The following ARFGEF2 variants were observed in gnomAD, a reference collection of about 807,000 sequenced individuals.
ARFGEF2 encodes the protein ARF guanine nucleotide exchange factor 2, also known as brefeldin A-inhibited guanine nucleotide-exchange protein 2.
Under a neutral mutation model 219.9 loss-of-function variants are expected in ARFGEF2, and 74 were observed. The ratio of observed to expected loss-of-function variants is 0.34; its 90% CI spans 0.28 to 0.41. The LOEUF (loss-of-function observed/expected upper bound fraction) is 0.41. Among genes scored for constraint, ARFGEF2 ranks in the 10% least tolerant of loss-of-function variants. ARFGEF2 has a pLI of 1.00. For synonymous variants in ARFGEF2, 733 were observed against 799.2 expected (o/e 0.92, Z 1.40); for missense variants, 1,743 against 2,218.3 (o/e 0.79, Z 4.30).
At chr20:49,024,330 C>A (rs1267694545) in intron 35 of ARFGEF2, among the ~76,000 whole-genome samples, 1 of 152,156 alleles carries the variant, frequency 6.6e-6, no homozygotes, top group Non-Finnish European at 1.5e-5. Flanking sequence ...GGACAGTTAT[C>A]CTACACCATG....
At chr20:49,024,303 T>C (rs2091587450) in intron 35 of ARFGEF2, among the ~76,000 whole-genome samples, 1 of 152,122 alleles carries the variant, frequency 6.6e-6, no homozygotes, top group Non-Finnish European at 1.5e-5. Context: ...ACATAGAGAA[T>C]TCAGTGTCCA....
intron 8 of ARFGEF2, among the ~76,000 whole-genome samples, chr20:48,967,156 T>G (rs1201561004): frequency 6.6e-6 from 1 of 152,062 alleles, no homozygotes; most frequent in Non-Finnish European, 1.5e-5. Context: ...AGAATAATGT[T>G]TTTTTCCCCC....
At chr20:48,923,209 C>T (rs967302867) in intron 1 of ARFGEF2, among the ~76,000 whole-genome samples, 6 of 152,016 alleles carry the variant, frequency 3.9e-5, no homozygotes, top group African/African-American at 1.5e-4. Context: ...ATTCACTGCC[C>T]CAACGTCTTT....
chr20:49,014,063 A>ATCC, intron 30 of ARFGEF2, 103 bp downstream of exon 30: 1 of 1,476,450 alleles, frequency 6.8e-7, no homozygotes, highest in Non-Finnish European at 9.4e-7. Context: ...CAGAGTTCTT[A>ATCC]AATACTGAGC....
chr20:48,959,409 T>C (rs113720599), intron 6 of ARFGEF2, among the ~76,000 whole-genome samples: 16,171 of 62,738 alleles, frequency 0.26, 1,302 homozygotes, highest in East Asian at 0.46. Context: ...CCCTCCTTCC[T>C]TCCCTCCCTC....
intron 18 of ARFGEF2, 107 bp downstream of exon 18, chr20:48,988,769 G>A: frequency 9.9e-7 from 1 of 1,012,470 alleles, no homozygotes; most frequent in Non-Finnish European, 1.5e-6. Flanking sequence ...CTGGATATCT[G>A]AATAGGAAAT....
At position 48,974,874 on chromosome 20, in the gene ARFGEF2, G is replaced by A. The variant is rs2091251241; in HGVS notation, c.1774G>A (p.Gly592Ser). 1 of 1,612,068 alleles carries A rather than the reference G, an allele frequency of 6.2e-7. No homozygotes were observed. ...GAATCCCAACCACCAGACCAGCCTC[G>A]GTGAGACAGCATTGCTGCCACACCC... ...YVNPNHQTSL[G>S]QERLTDQEIG... The change falls in exon 13 of 39, where the codon GGT becomes AGT. Residue 592 changes from glycine to serine, a missense_variant and splice_region_variant. By Grantham distance (56) the Gly-to-Ser change is moderately conservative. This residue lies in a region of ARFGEF2 where 666 missense variants were observed against 955.4 expected (regional missense o/e 0.70). Coordinates refer to ENST00000371917, the MANE Select transcript of ARFGEF2 (RefSeq NM_006420.3).
chr20:49,006,567 A>G (rs1264723818), intron 26 of ARFGEF2, among the ~76,000 whole-genome samples: 2 of 152,226 alleles, frequency 1.3e-5, no homozygotes, highest in East Asian at 3.8e-4. Context: ...TATCCAGGGC[A>G]GCCAGCTAAC....
intron 12 of ARFGEF2, among the ~76,000 whole-genome samples, chr20:48,973,858 G>A (rs371780552): frequency 2.6e-5 from 4 of 152,098 alleles, no homozygotes; most frequent in East Asian, 3.9e-4. Flanking sequence ...TATGCTGTCC[G>A]AGTTGCTGTT....
intron 31 of ARFGEF2, among the ~76,000 whole-genome samples, chr20:49,016,687 G>C (rs2091533082): frequency 6.6e-6 from 1 of 151,998 alleles, no homozygotes; most frequent in South Asian, 2.1e-4. Context: ...GTATATGTTT[G>C]AAATTTTCTC....
intron 3 of ARFGEF2, among the ~76,000 whole-genome samples, chr20:48,946,110 G>A (rs2091024939): frequency 6.6e-6 from 1 of 152,192 alleles, no homozygotes; most frequent in Non-Finnish European, 1.5e-5. Context: ...GGTAACCTCT[G>A]TCTTAGAAAT....
intron 1 of ARFGEF2, among the ~76,000 whole-genome samples, chr20:48,927,724 A>G (rs948176675): frequency 6.6e-6 from 1 of 152,110 alleles, no homozygotes; most frequent in African/African-American, 2.4e-5. Context: ...AAATAAATTG[A>G]CATAACAAGA....
Position 48,985,601 on chromosome 20 carries a change from A to G in ARFGEF2, c.2264A>G (p.Glu755Gly), listed in dbSNP as rs2091322382. ...LMEKFAARYI[E>G]CNQGQTLFAS... The stretch of plus-strand genomic sequence containing the variant: ...GAGAAGTTTGCCGCAAGATACATAG[A>G]ATGCAACCAAGGGTGAGCGCCGATT... Residue 755 changes from glutamate (E) to glycine (G), a missense_variant, in exon 16 of 39, where the codon GAA (glutamate) becomes GGA (glycine). Coordinates refer to ENST00000371917, the MANE Select transcript of ARFGEF2 (RefSeq NM_006420.3). 2 of 1,614,182 alleles carry G rather than the reference A, an allele frequency of 1.2e-6. No individual in the cohort carries two copies. The highest frequency in any genetic ancestry group is 8.5e-7 in the Non-Finnish European group (1 of 1,180,036).
chr20:48,969,074 C>T (rs1165131639), intron 8 of ARFGEF2, 73 bp from the exon 9 acceptor site: 10 of 1,530,502 alleles, frequency 6.5e-6, no homozygotes, highest in Non-Finnish European at 9.0e-6. Flanking sequence ...GATCCTCCTG[C>T]CTCAGCCTCT....
intron 3 of ARFGEF2, 62 bp downstream of exon 3, chr20:48,942,049 A>G: frequency 6.2e-7 from 1 of 1,607,210 alleles, no homozygotes; most frequent in Non-Finnish European, 8.5e-7. Context: ...TGGTCCTTAC[A>G]CAGAACTATG....
chr20:48,926,915 A>G (rs1236814574), intron 1 of ARFGEF2, among the ~76,000 whole-genome samples: 1 of 152,072 alleles, frequency 6.6e-6, no homozygotes, highest in Non-Finnish European at 1.5e-5. Flanking sequence ...CCATTCTTAG[A>G]TTTGCTCCTC....
Position 48,989,277 on chromosome 20 carries a change from CT to C in ARFGEF2, c.2534-5del, listed in dbSNP as rs1270620403. On this transcript the variant is annotated splice_region_variant and splice_polypyrimidine_tract_variant and intron_variant, in intron 18 of 38. Coordinates refer to ENST00000371917, the MANE Select transcript of ARFGEF2 (RefSeq NM_006420.3). ...GCTAGCCACACCTATCATGCTCTTACTTTACAGATGTAGCTAGTGAAAAGCA... is the reference window on the plus strand; with the variant it reads ...GCTAGCCACACCTATCATGCTCTTACTTACAGATGTAGCTAGTGAAAAGCA... The C allele has an allele frequency of 6.2e-7, 1 of 1,614,030 alleles. No individual in the cohort carries two copies. Among genetic ancestry groups the C allele is most frequent in the East Asian group, 2.2e-5 (1 of 44,898 alleles).
chr20:49,024,776 G>T (rs1333919697), intron 35 of ARFGEF2, among the ~76,000 whole-genome samples: 1 of 152,078 alleles, frequency 6.6e-6, no homozygotes, highest in Admixed American at 6.5e-5. Flanking sequence ...GAGGCAGGCG[G>T]ATCACGAGGT....
chr20:49,024,766 G>A (rs776938071), intron 35 of ARFGEF2, among the ~76,000 whole-genome samples: 23 of 152,118 alleles, frequency 1.5e-4, no homozygotes, highest in Admixed American at 6.6e-4. Context: ...TTGGGAGGCC[G>A]AGGCAGGCGG....
Sources: gnomAD v4.1 joint callset for allele counts (sites outside exome capture counted in the v4.1 genomes callset) on GRCh38, gnomAD v4.1.1 for gene constraint, gnomAD v4.1.1 regional missense constraint, MANE v1.5 for transcripts, NCBI Gene and HGNC (gene_info 2026-07-23, HGNC 2026-07-21) for gene names.